The following PTGR2 variants were observed in gnomAD, a reference collection of about 807,000 sequenced individuals.
The protein encoded by PTGR2 is 15-oxoprostaglandin 13-reductase.
PTGR2 carries 32 observed loss-of-function variants against 43.4 expected under a neutral mutation model. The ratio of observed to expected loss-of-function variants is 0.74; its 90% CI spans 0.56 to 0.99. The LOEUF (loss-of-function observed/expected upper bound fraction) is 0.99. Among genes scored for constraint, PTGR2 ranks in the 50% least tolerant of loss-of-function variants. PTGR2 has a pLI of 0.00. For missense variants in PTGR2, 373 were observed against 420.0 expected, an observed-to-expected ratio of 0.89 and a Z score of 0.98; for synonymous variants, 106 against 139.2, an observed-to-expected ratio of 0.76 and a Z score of 1.68.
At chr14:73,860,359 C>G (rs948776497) in intron 2 of PTGR2, among the ~76,000 whole-genome samples, 180 bp from the exon 3 acceptor site, 4 of 151,694 alleles carry the variant, frequency 2.6e-5, no homozygotes, top group South Asian at 2.1e-4. Flanking sequence ...CCCAGCTACT[C>G]GGGAGGCTGA....
intron 7 of PTGR2, among the ~76,000 whole-genome samples, chr14:73,880,536 C>CT (rs2054959372): frequency 2.0e-5 from 3 of 150,478 alleles, no homozygotes; most frequent in Non-Finnish European, 2.9e-5. Context: ...AATCATGCCA[C>CT]TGCACTCCAT....
At position 73,884,383 on chromosome 14, in the gene PTGR2, C is replaced by T. The variant is rs564770996; in HGVS notation, c.*206C>T. The T allele has an allele frequency of 2.6e-6, 1 of 385,164 alleles. No homozygotes were observed. Among genetic ancestry groups the T allele is most frequent in the Non-Finnish European group, 4.5e-6 (1 of 220,876 alleles). The allele number at this position is 385,164 out of a possible 1,614,324, so 23.9% of individuals were successfully genotyped here. A position where few individuals can be genotyped will look rare whatever the true frequency, so the allele number is the denominator to read the frequency against. ...AAAAATTAATAACTTTTAGTAATTA[C>T]TTTTATTAATTTAAAATAGAACGCT... On this transcript the variant is annotated 3_prime_UTR_variant, in exon 10 of 10. Transcript: ENST00000555661.
At chr14:73,853,614 T>G (rs1412277094) in intron 1 of PTGR2, among the ~76,000 whole-genome samples, 1 of 152,158 alleles carries the variant, frequency 6.6e-6, no homozygotes, top group African/African-American at 2.4e-5. Flanking sequence ...TGAGCCACCA[T>G]ACCCGGCCCC....
At chr14:73,863,827 G>T (rs772995354) in intron 3 of PTGR2, among the ~76,000 whole-genome samples, 1 of 152,054 alleles carries the variant, frequency 6.6e-6, no homozygotes, top group African/African-American at 2.4e-5. Flanking sequence ...TGTTGGCCAG[G>T]CTGGTCTCAA....
intron 4 of PTGR2, among the ~76,000 whole-genome samples, chr14:73,874,866 G>A (rs1019790002): frequency 3.9e-5 from 6 of 152,098 alleles, no homozygotes; most frequent in Admixed American, 6.6e-5. Context: ...GACTGGGTCT[G>A]CTAATGACTT....
At chr14:73,882,366 A>C (rs763773387) in intron 8 of PTGR2, 33 bp from the exon 9 acceptor site, 1 of 1,344,878 alleles carries the variant, frequency 7.4e-7, no homozygotes. Context: ...TTGAAGTTTA[A>C]AGACTATTAA....
chr14:73,874,337 G>A, intron 4 of PTGR2, 123 bp downstream of exon 4: 2 of 743,176 alleles, frequency 2.7e-6, no homozygotes, highest in South Asian at 3.9e-5. Flanking sequence ...TTAGCTAGCT[G>A]CCAAAATGTG....
chr14:73,879,255 G>A lies in PTGR2; in HGVS notation c.679G>A (p.Val227Ile). 6.2e-7 allele frequency: 1 copy of A among 1,613,986 alleles called. No individual in the cohort carries two copies. The highest frequency in any genetic ancestry group is 2.2e-5 in the East Asian group (1 of 44,886). ...TGAATCATGCCCAGCTGGAGTGGAT[G>A]TTTATTTTGACAATGTTGGTGGTAA... ...LRESCPAGVD[V>I]YFDNVGGNIS... is the part of the protein sequence containing the mutation. Residue 227 changes from valine to isoleucine, a missense_variant, in exon 6 of 10, where the codon GTT becomes ATT. By Grantham distance (29) the Val-to-Ile change is conservative. Transcript: ENST00000555661.
intron 4 of PTGR2, among the ~76,000 whole-genome samples, chr14:73,875,744 T>C: frequency 6.6e-6 from 1 of 152,064 alleles, no homozygotes; most frequent in Non-Finnish European, 1.5e-5. Flanking sequence ...CTTCCTTTTT[T>C]TTTTTTTTTC....
intron 5 of PTGR2, chr14:73,878,124 T>A (rs939381368): frequency 2.0e-5 from 3 of 152,196 alleles, no homozygotes; most frequent in Non-Finnish European, 4.4e-5. Flanking sequence ...CCAGCCTGGG[T>A]GACAGACCCT....
At chr14:73,875,840 G>A (rs76450794) in intron 4 of PTGR2, among the ~76,000 whole-genome samples, 1 of 19,848 alleles carries the variant, frequency 5.0e-5, no homozygotes, top group Non-Finnish European at 1.1e-4. Flanking sequence ...TTTTTTTTTT[G>A]AGATGGAGTC....
intron 1 of PTGR2, among the ~76,000 whole-genome samples, chr14:73,856,713 C>T (rs2054355612): frequency 6.6e-6 from 1 of 152,198 alleles, no homozygotes; most frequent in South Asian, 2.1e-4. Context: ...ACCTAGGTGT[C>T]TAGTAATCTG....
At chr14:73,883,306 G>A (rs1199168972) in intron 9 of PTGR2, among the ~76,000 whole-genome samples, 2 of 142,436 alleles carry the variant, frequency 1.4e-5, no homozygotes, top group Non-Finnish European at 3.0e-5. Context: ...ATGGGCTCAA[G>A]CAATCCTCTC....
chr14:73,871,564 G>A (rs1398074474), intron 3 of PTGR2, among the ~76,000 whole-genome samples: 2 of 152,002 alleles, frequency 1.3e-5, no homozygotes, highest in African/African-American at 4.8e-5. Flanking sequence ...CAGTTTGTCA[G>A]AAGCACAGAC....
intron 4 of PTGR2, among the ~76,000 whole-genome samples, chr14:73,876,444 A>G (rs141132359): frequency 6.8e-6 from 1 of 145,986 alleles, no homozygotes; most frequent in African/African-American, 2.5e-5. Flanking sequence ...GTGTGCAGAG[A>G]GATAGATCTT....
At chr14:73,854,120 G>T (rs1002007442) in intron 1 of PTGR2, among the ~76,000 whole-genome samples, 2 of 151,320 alleles carry the variant, frequency 1.3e-5, no homozygotes, top group African/African-American at 4.9e-5. Context: ...TTATTTTTTT[G>T]AGACAAAGTT....
intron 2 of PTGR2, 65 bp downstream of exon 2, chr14:73,858,964 AAAACTAATG>A: frequency 7.7e-7 from 1 of 1,296,596 alleles, no homozygotes; most frequent in South Asian, 1.2e-5. Context: ...TGGAGGAATA[AAAACTAATG>A]TGATGTTCAT....
chr14:73,874,115 AG>A lies in PTGR2; in HGVS notation c.250del (p.Glu84LysfsTer7). On this transcript the variant is annotated frameshift_variant, in exon 4 of 10. Transcript: ENST00000555661. The stretch of plus-strand genomic sequence containing the variant: ...ATGGAGGAGGTATTGGAATTATAGA[AG>A]AAAGCAAACACACAAATTTGACTAA... ...VDGGGIGIIE[E>X]SKHTNLTKGD... The A allele has an allele frequency of 6.2e-7, 1 of 1,614,056 alleles. No homozygotes were observed. Among genetic ancestry groups the A allele is most frequent in the East Asian group, 2.2e-5 (1 of 44,866 alleles).
In PTGR2 at chr14:73,859,689, C is replaced by T. The variant is rs796944766; in HGVS notation, c.37+790C>T. On this transcript the variant is annotated intron_variant, in intron 2 of 9. Transcript: ENST00000555661. ...ACTTTTTCAGACTTTATTATTATTA[C>T]TTTTATATTCATTTAAGTTTCTATT... Among the ~76,000 whole-genome samples the T allele has an allele frequency of 9.9e-4, 149 of 150,864 alleles. 4 individuals carry two copies. Among genetic ancestry groups the T allele is most frequent in the African/African-American group, 3.5e-3 (144 of 41,074 alleles).
Sources: allele counts gnomAD v4.1 joint callset (sites outside exome capture counted in the v4.1 genomes callset), GRCh38; gene constraint gnomAD v4.1.1; transcripts MANE v1.5; gene names NCBI Gene and HGNC (gene_info 2026-07-23, HGNC 2026-07-21).